MXRA8: variants seen among roughly 807,000 people sequenced by gnomAD.
MXRA8 encodes the protein matrix remodeling-associated protein 8.
MXRA8 carries 44 observed loss-of-function variants against 51.4 expected under a neutral mutation model. The observed-to-expected ratio is 0.86, with a 90% confidence interval of 0.67 to 1.10. The LOEUF is 1.10. Ranked by LOEUF, MXRA8 falls within the 50% of genes least tolerant of loss-of-function variation. The probability of loss-of-function intolerance (pLI) is 0.00; values close to 1 mark genes in which losing one functional copy is unlikely to be tolerated. For synonymous variants in MXRA8, 369 were observed against 293.5 expected (o/e 1.26, Z -2.63); for missense variants, 765 against 638.9 (o/e 1.20, Z -2.13).
Position 1,354,940 on chromosome 1 carries a change from G to A in MXRA8, c.691C>T (p.Arg231Cys). Reference protein sequence around the residue: ...RLLDLYASGERRAYGPLFLRD... With the variant: ...RLLDLYASGECRAYGPLFLRD... ...AGAAAAAGGGGCCCGTAGGCGCGGC[G>A]CTCGCCCGACGCGTAGAGGTCCAGC... is the stretch of plus-strand genomic sequence containing the variant. The change falls in exon 5 of 10, where the codon CGC becomes TGC. Residue 231 changes from arginine (R) to cysteine (C), a missense_variant. Physicochemically the swap from Arg to Cys is radical, Grantham distance 180. Coordinates refer to ENST00000309212, the MANE Select transcript of MXRA8 (RefSeq NM_032348.4). The A allele has an allele frequency of 6.2e-7, 1 of 1,602,372 alleles. No individual in the cohort carries two copies. The highest frequency in any genetic ancestry group is 8.5e-7 in the Non-Finnish European group (1 of 1,175,438).
chr1:1,356,717 G>C lies in MXRA8; in HGVS notation c.50-13C>G. On this transcript the variant is annotated splice_polypyrimidine_tract_variant and intron_variant, in intron 1 of 9. Transcript: ENST00000309212. ...AGAACAGCAGAGCCTGGAAGGAGAGGAGTGAGCTGGAGAGGCCACCCACAG... is the reference window on the plus strand; with the variant it reads ...AGAACAGCAGAGCCTGGAAGGAGAGCAGTGAGCTGGAGAGGCCACCCACAG... 10 of 1,413,908 alleles carry C rather than the reference G, an allele frequency of 7.1e-6. No homozygotes were observed. The highest frequency in any genetic ancestry group is 2.7e-5 in the East Asian group (1 of 37,444). The allele number at this position is 1,413,908 out of a possible 1,614,324, so 87.6% of individuals were successfully genotyped here.
rs1263917984 is a variant in MXRA8, at chr1:1,354,221, A to C, written c.1117T>G (p.Ser373Ala). Residue 373 changes from serine (S) to alanine (A), a missense_variant, in exon 7 of 10, where the codon TCG (serine) becomes GCG (alanine). Coordinates refer to ENST00000309212, the MANE Select transcript of MXRA8 (RefSeq NM_032348.4). ...ARRRRGGYEY[S>A]DQKSGKSKGK... is the part of the protein sequence containing the mutation. ...TTTGACTTTCCCGACTTCTGGTCCGAGTATTCGTAGCCTGGGAAGGAGACT... is the reference window on the plus strand; with the variant it reads ...TTTGACTTTCCCGACTTCTGGTCCGCGTATTCGTAGCCTGGGAAGGAGACT... 3.7e-6 allele frequency: 6 copies of C among 1,612,414 alleles called. No individual in the cohort carries two copies. The highest frequency in any genetic ancestry group is 1.1e-5 in the South Asian group (1 of 91,046).
rs755761537 is a variant in MXRA8, at chr1:1,354,016, C to T, written c.1222+14G>A. 19 of 1,612,614 alleles carry T rather than the reference C, an allele frequency of 1.2e-5. No individual in the cohort carries two copies. The highest frequency in any genetic ancestry group is 1.5e-5 in the Non-Finnish European group (18 of 1,179,806). ...GAGCCGCGCCTGTGCCCTCGTGTCCCAGCACTGCCTCACCTAGCTGGATGT... is the reference window on the plus strand; with the variant it reads ...GAGCCGCGCCTGTGCCCTCGTGTCCTAGCACTGCCTCACCTAGCTGGATGT... On this transcript the variant is annotated intron_variant, in intron 8 of 9. Coordinates refer to ENST00000309212, the MANE Select transcript of MXRA8 (RefSeq NM_032348.4).
upstream of MXRA8, among the ~76,000 whole-genome samples, chr1:1,361,073 CACAG>C (rs1644216563): frequency 6.6e-6 from 1 of 151,324 alleles, no homozygotes; most frequent in Admixed American, 6.6e-5. Flanking sequence ...GAAACACGAA[CACAG>C]ACATGCGCAC....
In MXRA8 at chr1:1,353,112, G is replaced by C; in HGVS notation, c.*492C>G. On this transcript the variant is annotated 3_prime_UTR_variant, in exon 10 of 10. Coordinates refer to ENST00000309212, the MANE Select transcript of MXRA8 (RefSeq NM_032348.4). ...CTCTCGGTGGCAGGCAGCACCCCAGGAGGAGTGGGACTCCTGCCGAGGCTG... is the reference window on the plus strand; with the variant it reads ...CTCTCGGTGGCAGGCAGCACCCCAGCAGGAGTGGGACTCCTGCCGAGGCTG... The C allele has an allele frequency of 1.4e-6, 1 of 690,892 alleles. No homozygotes were observed. Among genetic ancestry groups the C allele is most frequent in the East Asian group, 2.8e-5 (1 of 36,246 alleles). 42.8% of individuals were successfully genotyped at this position (690,892 alleles called of 1,614,324 possible).
At chr1:1,357,850 G>C (rs1309368104) in intron 1 of MXRA8, among the ~76,000 whole-genome samples, 1 of 152,174 alleles carries the variant, frequency 6.6e-6, no homozygotes. Context: ...AGAACGCCCT[G>C]ATCCCAATAA....
At position 1,353,242 on chromosome 1, in the gene MXRA8, A is replaced by T; in HGVS notation, c.*362T>A. On this transcript the variant is annotated 3_prime_UTR_variant, in exon 10 of 10. Transcript: ENST00000309212. ...CTGGAGGAGTGGGACTCCTGCCCTG[A>T]GGCTGACCCCAGTTTTGGGGCTGCC... The T allele has an allele frequency of 1.4e-6, 2 of 1,470,944 alleles. No individual in the cohort carries two copies. Among genetic ancestry groups the T allele is most frequent in the Non-Finnish European group, 1.9e-6 (2 of 1,074,684 alleles). The allele number at this position is 1,470,944 out of a possible 1,614,324, so 91.1% of individuals were successfully genotyped here.
At chr1:1,353,755 G>T in intron 9 of MXRA8, 93 bp downstream of exon 9, 1 of 1,470,578 alleles carries the variant, frequency 6.8e-7, no homozygotes, top group Non-Finnish European at 9.2e-7. Flanking sequence ...GGGGCCCCGG[G>T]CCTGGCTGGT....
At chr1:1,358,590 A>G, upstream of MXRA8, 1 of 1,514,260 alleles carries the variant, frequency 6.6e-7, no homozygotes, top group Non-Finnish European at 8.8e-7. Flanking sequence ...CCTCCTTAGC[A>G]CCCGCGGTGA....
At chr1:1,359,329 C>T (rs1054852048), upstream of MXRA8, 23 of 985,300 alleles carry the variant, frequency 2.3e-5, no homozygotes, top group Non-Finnish European at 2.8e-5. Context: ...AGTGGGACCC[C>T]TGCCATGGAA....
At position 1,354,980 on chromosome 1, in the gene MXRA8, G is replaced by C; in HGVS notation, c.651C>G (p.Asp217Glu). ...AGAGGTCCAGCAGGCGGTCCGCGCG[G>C]TCGTGCGGGACCCCGGGCGGCTGCC... The part of the protein sequence containing the change: ...WDRQPPGVPH[D>E]RADRLLDLYA... The change falls in exon 5 of 10, where the codon GAC (aspartate) becomes GAG (glutamate). Residue 217 changes from aspartate to glutamate, a missense_variant. Transcript: ENST00000309212. 6 of 1,597,348 alleles carry C rather than the reference G, an allele frequency of 3.8e-6. No individual in the cohort carries two copies. Among genetic ancestry groups the C allele is most frequent in the Non-Finnish European group, 5.1e-6 (6 of 1,173,330 alleles).
At chr1:1,360,901 TACAC>T (rs201441330), upstream of MXRA8, among the ~76,000 whole-genome samples, 45 of 150,758 alleles carry the variant, frequency 3.0e-4, no homozygotes, top group Non-Finnish European at 3.5e-4. Context: ...CACACAGAGA[TACAC>T]ACGCATGCAC....
At chr1:1,361,431 CAG>C (rs543475036), upstream of MXRA8, 331 of 651,760 alleles carry the variant, frequency 5.1e-4, 1 homozygote, top group African/African-American at 2.4e-3. Flanking sequence ...GGGAATGAGA[CAG>C]GGGTCGGGGG....
At chr1:1,360,173 G>A (rs1174574825), upstream of MXRA8, among the ~76,000 whole-genome samples, 1 of 152,226 alleles carries the variant, frequency 6.6e-6, no homozygotes, top group African/African-American at 2.4e-5. Flanking sequence ...ACTCTGCAGG[G>A]CCGTCCCTCT....
rs771132139 is a variant in MXRA8, at chr1:1,354,956, G to A, written c.675C>T (p.Leu225=). 2.5e-6 allele frequency: 4 copies of A among 1,600,342 alleles called. No individual in the cohort carries two copies. The highest frequency in any genetic ancestry group is 1.8e-4 in the Middle Eastern group (1 of 5,588). Residue 225 remains leucine (L), a synonymous_variant, in exon 5 of 10, where the codon CTC becomes CTT. Coordinates refer to ENST00000309212, the MANE Select transcript of MXRA8 (RefSeq NM_032348.4). ...PHDRADRLLD[L]YASGERRAYG... ...AGGCGCGGCGCTCGCCCGACGCGTA[G>A]AGGTCCAGCAGGCGGTCCGCGCGGT...
In MXRA8 at chr1:1,358,469, A is replaced by G. The variant is rs141281278; in HGVS notation, c.36T>C (p.Leu12=). Residue 12 remains leucine (L), a synonymous_variant, in exon 1 of 10, where the codon CTT becomes CTC. Transcript: ENST00000309212. The part of the protein sequence containing the change: ...ALPSRILLWK[L]VLLQSSAVLL... The stretch of plus-strand genomic sequence containing the variant: ...CCCCACACTCACTCTGCAGAAGCAC[A>G]AGTTTCCAAAGCAGGATTCGGGATG... 66 of 1,612,380 alleles carry G rather than the reference A, an allele frequency of 4.1e-5. No individual in the cohort carries two copies. Among genetic ancestry groups the G allele is most frequent in the Middle Eastern group, 1.6e-4 (1 of 6,078 alleles).
chr1:1,358,658 G>A (rs1477088544), upstream of MXRA8: 31 of 1,409,580 alleles, frequency 2.2e-5, no homozygotes, highest in Admixed American at 3.9e-4. Context: ...GGCTCCTGCC[G>A]GGCCCCTTGG....
At chr1:1,359,517 G>C, upstream of MXRA8, 1 of 985,042 alleles carries the variant, frequency 1.0e-6, no homozygotes, top group Non-Finnish European at 1.2e-6. Flanking sequence ...CCCACTTGGA[G>C]TGAGCTCTCC....
rs201452853 is a variant in MXRA8 at position 1,353,552 on chromosome 1, GCA to G, written c.*50_*51del. ...GGAGCATCAGGAGATGCCCCGAGGA[GCA>G]CAGACAGGAGAGGTGCAGCTGCTGG... On this transcript the variant is annotated 3_prime_UTR_variant, in exon 10 of 10. Coordinates refer to ENST00000309212, the MANE Select transcript of MXRA8 (RefSeq NM_032348.4). The G allele has an allele frequency of 0.019, 29,988 of 1,547,020 alleles. 413 individuals are homozygous for G. The highest frequency in any genetic ancestry group is 0.021 in the Non-Finnish European group (23,506 of 1,145,838).
Sources: gnomAD v4.1 joint callset for allele counts (sites outside exome capture counted in the v4.1 genomes callset) on GRCh38, gnomAD v4.1.1 for gene constraint, MANE v1.5 for transcripts, NCBI Gene and HGNC (gene_info 2026-07-23, HGNC 2026-07-21) for gene names.